Variants in RUNX1T1 observed in about 807,000 individuals in gnomAD.
RUNX1T1 encodes protein CBFA2T1.
Under a neutral mutation model 62.8 loss-of-function variants are expected in RUNX1T1, and 4 were observed. The observed-to-expected ratio is 0.06, with a 90% confidence interval of 0.03 to 0.15. The LOEUF (loss-of-function observed/expected upper bound fraction) is 0.15. Ranked by LOEUF, RUNX1T1 falls within the 10% of genes least tolerant of loss-of-function variation. RUNX1T1 has a pLI of 1.00. For synonymous variants in RUNX1T1, 291 were observed against 286.0 expected, an observed-to-expected ratio of 1.02 and a Z score of -0.18; for missense variants, 508 against 754.3, an observed-to-expected ratio of 0.67 and a Z score of 3.82.
At chr8:91,956,586 A>G (rs140993883), downstream of RUNX1T1, 1,374 of 219,834 alleles carry the variant, frequency 6.3e-3, 18 homozygotes, top group Middle Eastern at 0.039. Flanking sequence ...CAGACCATAC[A>G]TTACAGTCCA....
chr8:92,031,212 G>A (rs142720142), intron 1 of RUNX1T1, among the ~76,000 whole-genome samples: 45 of 152,220 alleles, frequency 3.0e-4, no homozygotes, highest in East Asian at 2.5e-3. Context: ...TATCTCCGGT[G>A]TCTAAACATA....
At chr8:92,064,955 G>A (rs1189841017), upstream of RUNX1T1, among the ~76,000 whole-genome samples, 1 of 152,126 alleles carries the variant, frequency 6.6e-6, no homozygotes, top group Admixed American at 6.5e-5. Flanking sequence ...CTGGATCCCT[G>A]GAGATTCTCA....
intron 10 of RUNX1T1, among the ~76,000 whole-genome samples, chr8:91,970,043 T>TGTGTGTGTTGTGTGTG (rs11374252): frequency 0.073 from 10,422 of 142,620 alleles, 604 homozygotes; most frequent in African/African-American, 0.16. Flanking sequence ...TGTGTGTGTG[T>TGTGTGTGTTGTGTGTG]TGTGTGTGTG....
chr8:91,991,861 G>A, exon 6 of RUNX1T1: 1 of 1,614,160 alleles, frequency 6.2e-7, no homozygotes, highest in Non-Finnish European at 8.5e-7. Context: ...GAGTGCAAAG[G>A]CTCTCTGTCA....
At chr8:92,062,528 A>G (rs752771296) in intron 1 of RUNX1T1, 2 of 1,613,290 alleles carry the variant, frequency 1.2e-6, no homozygotes, top group Non-Finnish European at 1.7e-6. Flanking sequence ...GAGAGAACAC[A>G]GAACAGGGCT....
intron 5 of RUNX1T1, among the ~76,000 whole-genome samples, chr8:91,997,677 G>C (rs978966543): frequency 6.6e-6 from 1 of 151,918 alleles, no homozygotes; most frequent in Non-Finnish European, 1.5e-5. Flanking sequence ...TCTCTATACG[G>C]GTCCCTCCTT....
At chr8:92,078,337 G>A (rs1158762607) in intron 1 of RUNX1T1, among the ~76,000 whole-genome samples, 1 of 152,004 alleles carries the variant, frequency 6.6e-6, no homozygotes, top group Non-Finnish European at 1.5e-5. Flanking sequence ...TAATAAGCAC[G>A]ATGTTCAGGT....
intron 1 of RUNX1T1, among the ~76,000 whole-genome samples, chr8:92,082,561 C>G (rs28594934): frequency 0.024 from 3,619 of 152,282 alleles, 135 homozygotes; most frequent in African/African-American, 0.082. Context: ...CTAAAATTGT[C>G]CAGTCACTTG....
Position 92,071,800 on chromosome 8 carries a change from C to T in RUNX1T1, c.88+4165G>A, listed in dbSNP as rs376297525. Among the ~76,000 whole-genome samples the T allele has an allele frequency of 3.9e-4, 59 of 152,246 alleles. No homozygotes were observed. In the East Asian group the frequency reaches 9.7e-3, roughly 25 times the overall value. ...GGGCTGCTGGGTATGAGCCTGACCC[C>T]GAAGCTGCGGCTCCATGGTTCTGCA... On this transcript the variant is annotated intron_variant, in intron 2 of 11. Coordinates refer to the RUNX1T1 transcript ENST00000265814.
At chr8:92,042,157 T>A (rs2130148453) in intron 1 of RUNX1T1, among the ~76,000 whole-genome samples, 1 of 152,206 alleles carries the variant, frequency 6.6e-6, no homozygotes, top group Admixed American at 6.5e-5. Flanking sequence ...TATGTAAACA[T>A]TCTCTGGTTT....
intron 5 of RUNX1T1, 98 bp downstream of exon 6, chr8:92,005,018 G>T: frequency 9.6e-7 from 1 of 1,043,938 alleles, no homozygotes; most frequent in Non-Finnish European, 1.4e-6. Flanking sequence ...GTGCAAGAAT[G>T]ACATAGGCCA....
At chr8:92,098,896 C>G (rs986843847) in intron 1 of RUNX1T1, among the ~76,000 whole-genome samples, 1 of 152,148 alleles carries the variant, frequency 6.6e-6, no homozygotes. Flanking sequence ...TTACAATTAC[C>G]TCCATTAAAC....
intron 1 of RUNX1T1, among the ~76,000 whole-genome samples, chr8:92,058,327 T>C (rs925595965): frequency 3.3e-5 from 5 of 152,176 alleles, no homozygotes; most frequent in Admixed American, 1.3e-4. Flanking sequence ...TAATTAACTA[T>C]ATATAGGTTC....
At chr8:92,039,785 C>T (rs75246460) in intron 1 of RUNX1T1, among the ~76,000 whole-genome samples, 4,981 of 152,270 alleles carry the variant, frequency 0.033, 282 homozygotes, top group African/African-American at 0.11. Context: ...GCTCACCATA[C>T]CTGGCTCCAT....
chr8:91,982,944 T>G (rs1232381368), intron 8 of RUNX1T1, among the ~76,000 whole-genome samples: 2 of 83,632 alleles, frequency 2.4e-5, no homozygotes, highest in African/African-American at 9.3e-5. Flanking sequence ...TTTTTTTTTT[T>G]GGAGACAGAG....
intron 9 of RUNX1T1, among the ~76,000 whole-genome samples, chr8:91,975,396 T>A (rs907405587): frequency 2.6e-5 from 4 of 152,214 alleles, no homozygotes; most frequent in Non-Finnish European, 5.9e-5. Flanking sequence ...TGAATACTAA[T>A]TAGTACAGAA....
intron 1 of RUNX1T1, among the ~76,000 whole-genome samples, chr8:92,092,842 A>T (rs1837244397): frequency 6.6e-6 from 1 of 152,212 alleles, no homozygotes; most frequent in Admixed American, 6.5e-5. Context: ...GATTGTCAGA[A>T]TAGAAAATTT....
At chr8:91,965,960 G>A (rs1211375258) in intron 10 of RUNX1T1, among the ~76,000 whole-genome samples, 2 of 151,844 alleles carry the variant, frequency 1.3e-5, no homozygotes, top group African/African-American at 4.8e-5. Flanking sequence ...CCACCACCTT[G>A]CAAAGCAGGC....
intron 2 of RUNX1T1, among the ~76,000 whole-genome samples, chr8:92,074,571 G>C (rs1007563622): frequency 9.9e-5 from 15 of 152,146 alleles, no homozygotes; most frequent in African/African-American, 3.4e-4. Context: ...AAGATGACAA[G>C]AAAACAATTC....
Sources: gnomAD v4.1 joint callset for allele counts (sites outside exome capture counted in the v4.1 genomes callset) on GRCh38, gnomAD v4.1.1 for gene constraint, MANE v1.5 for transcripts, NCBI Gene and HGNC (gene_info 2026-07-23, HGNC 2026-07-21) for gene names.